CCDC158: variants seen among roughly 807,000 people sequenced by gnomAD.
The protein encoded by CCDC158 is coiled-coil domain-containing protein 158.
A neutral mutation model predicts 138.6 loss-of-function variants in CCDC158; 116 were observed. The observed-to-expected ratio is 0.84, with a 90% CI of 0.72 to 0.98. The LOEUF is 0.98. Ranked by LOEUF, CCDC158 falls within the 50% of genes least tolerant of loss-of-function variation. CCDC158 has a pLI of 0.00. For missense variants in CCDC158, 1,265 were observed against 1,306.1 expected, an observed-to-expected ratio of 0.97 and a Z score of 0.48; for synonymous variants, 436 against 442.4, an observed-to-expected ratio of 0.99 and a Z score of 0.18.
intron 4 of CCDC158, among the ~76,000 whole-genome samples, chr4:76,388,992 G>T (rs986001944): frequency 1.3e-5 from 2 of 152,032 alleles, no homozygotes; most frequent in African/African-American, 4.8e-5. Context: ...GAGAAGAACA[G>T]GCACAAATAA....
chr4:76,357,880 A>G (rs1360139055), intron 13 of CCDC158, among the ~76,000 whole-genome samples: 1 of 152,076 alleles, frequency 6.6e-6, no homozygotes, highest in Non-Finnish European at 1.5e-5. Flanking sequence ...AATCTCCATG[A>G]CACTATAAGT....
Position 76,379,325 on chromosome 4 carries a change from C to T in CCDC158, c.994G>A (p.Glu332Lys), listed in dbSNP as rs1229718985. 6.2e-7 allele frequency: 1 copy of T among 1,609,092 alleles called. No homozygotes were observed. Among genetic ancestry groups the T allele is most frequent in the Admixed American group, 1.7e-5 (1 of 58,576 alleles). The change falls in exon 9 of 25, where the codon GAA (glutamate) becomes AAA (lysine). Residue 332 changes from glutamate (E) to lysine (K), a missense_variant. Physicochemically the swap from Glu to Lys is moderately conservative, Grantham distance 56. Coordinates refer to ENST00000682701, the MANE Select transcript of CCDC158 (RefSeq NM_001394954.1). ...LESTVSQLRS[E>K]LREAKRMYED... The stretch of plus-strand genomic sequence containing the variant: ...TACATCCTTTTGGCTTCCCTTAATT[C>T]AGAACGTAGCTGAGAAACAGTAGAT...
chr4:76,390,560 A>C (rs1727220844), intron 4 of CCDC158, among the ~76,000 whole-genome samples: 2 of 152,084 alleles, frequency 1.3e-5, no homozygotes, highest in African/African-American at 4.8e-5. Context: ...GAAGGAAAAA[A>C]AGAAGGAAGT....
chr4:76,352,190 G>A (rs1377821920), intron 16 of CCDC158: 1 of 160,074 alleles, frequency 6.2e-6, no homozygotes, highest in Non-Finnish European at 1.4e-5. Flanking sequence ...AGATCACGAG[G>A]TCAAGAGATG....
rs765971148 is a variant in CCDC158 at position 76,353,134 on chromosome 4, C to T, written c.2434G>A (p.Ala812Thr). The T allele has an allele frequency of 3.7e-6, 6 of 1,611,316 alleles. No individual in the cohort carries two copies. The highest frequency in any genetic ancestry group is 1.7e-4 in the Middle Eastern group (1 of 6,048). The change falls in exon 16 of 25, where the codon GCT (alanine) becomes ACT (threonine). Residue 812 changes from alanine to threonine, a missense_variant. By Grantham distance (58) the Ala-to-Thr change is moderately conservative. Transcript: ENST00000682701. ...TAGTTAATAATTACCTTATCCAGAGCCACTTCCATATTAGTAACCTTTTCT... is the reference window on the plus strand; with the variant it reads ...TAGTTAATAATTACCTTATCCAGAGTCACTTCCATATTAGTAACCTTTTCT... The part of the protein sequence containing the change: ...LKEKVTNMEV[A>T]LDKASLQFAE...
At chr4:76,355,528 A>G (rs977664592) in intron 14 of CCDC158, 92 bp from the exon 15 acceptor site, 23 of 839,680 alleles carry the variant, frequency 2.7e-5, no homozygotes, top group Non-Finnish European at 4.7e-5. Flanking sequence ...GAAGGTGACA[A>G]GTAAGATCCT....
intron 14 of CCDC158, among the ~76,000 whole-genome samples, chr4:76,356,018 T>G (rs1179227044): frequency 6.6e-6 from 1 of 152,088 alleles, no homozygotes; most frequent in Non-Finnish European, 1.5e-5. Flanking sequence ...CACTACCATC[T>G]CAGTAGCCAA....
intron 8 of CCDC158, among the ~76,000 whole-genome samples, chr4:76,381,200 G>T (rs1726207578): frequency 6.6e-6 from 1 of 152,198 alleles, no homozygotes; most frequent in South Asian, 2.1e-4. Context: ...TGAGAAGAGG[G>T]CCACTACCCT....
Position 76,384,285 on chromosome 4 carries a change from T to C in CCDC158, c.529A>G (p.Lys177Glu), listed in dbSNP as rs776841963. The C allele has an allele frequency of 5.6e-6, 9 of 1,614,064 alleles. No homozygotes were observed. Among genetic ancestry groups the C allele is most frequent in the Admixed American group, 5.0e-5 (3 of 60,006 alleles). Residue 177 changes from lysine (K) to glutamate (E), a missense_variant, in exon 6 of 25, where the codon AAA becomes GAA. By Grantham distance (56) the Lys-to-Glu change is moderately conservative. Coordinates refer to ENST00000682701, the MANE Select transcript of CCDC158 (RefSeq NM_001394954.1). ...DSNTQIEQLR[K>E]MMLSHEGVLQ... is the part of the protein sequence containing the mutation. Reference sequence around the variant, plus strand: ...ACTCCCTCATGACTAAGCATCATTTTTCGTAGTTGCTCTATCTGTGTGTTG... The same window carrying C: ...ACTCCCTCATGACTAAGCATCATTTCTCGTAGTTGCTCTATCTGTGTGTTG...
At chr4:76,383,454 T>C (rs1394056296) in intron 7 of CCDC158, among the ~76,000 whole-genome samples, 1 of 152,120 alleles carries the variant, frequency 6.6e-6, no homozygotes, top group Non-Finnish European at 1.5e-5. Flanking sequence ...CCTACAGCAA[T>C]ACTCCTATTG....
chr4:76,413,197 TA>T (rs1026355546), intron 1 of CCDC158, among the ~76,000 whole-genome samples: 1 of 151,512 alleles, frequency 6.6e-6, no homozygotes, highest in African/African-American at 2.4e-5. Flanking sequence ...TTTCCACATT[TA>T]AAAAAATGAA....
chr4:76,340,781 T>C (rs1014806022), intron 18 of CCDC158, among the ~76,000 whole-genome samples: 1 of 152,100 alleles, frequency 6.6e-6, no homozygotes, highest in Non-Finnish European at 1.5e-5. Flanking sequence ...GTAATAATAA[T>C]AGAAATAAAG....
chr4:76,383,324 T>C (rs1726454088), intron 7 of CCDC158, among the ~76,000 whole-genome samples: 1 of 152,134 alleles, frequency 6.6e-6, no homozygotes, highest in Admixed American at 6.5e-5. Context: ...AGAATCCCCC[T>C]ACTCTTGATG....
chr4:76,330,104 T>C (rs1358688065), intron 21 of CCDC158, among the ~76,000 whole-genome samples: 1 of 152,116 alleles, frequency 6.6e-6, no homozygotes, highest in Non-Finnish European at 1.5e-5. Context: ...CTGCAGAGCT[T>C]TAATTATCTC....
intron 20 of CCDC158, among the ~76,000 whole-genome samples, chr4:76,332,180 A>G (rs540752783): frequency 2.6e-5 from 4 of 152,238 alleles, no homozygotes; most frequent in Non-Finnish European, 4.4e-5. Context: ...GATATGGCAT[A>G]CCATAATAAT....
At position 76,351,784 on chromosome 4, in the gene CCDC158, T is replaced by G; in HGVS notation, c.2474A>C (p.Asp825Ala). The G allele has an allele frequency of 6.2e-7, 1 of 1,612,844 alleles. No individual in the cohort carries two copies. The highest frequency in any genetic ancestry group is 8.5e-7 in the Non-Finnish European group (1 of 1,178,978). ...KASLQFAECQDIIQRQEQESV... is the reference protein window; with the variant it reads ...KASLQFAECQAIIQRQEQESV... The stretch of plus-strand genomic sequence containing the variant: ...TTCTTGCTCCTGACGCTGTATTATA[T>G]CTTGACATTCTGCAAACTGCAAAGA... The change falls in exon 17 of 25, where the codon GAT becomes GCT. Residue 825 changes from aspartate (D) to alanine (A), a missense_variant. Physicochemically the swap from Asp to Ala is moderately radical, Grantham distance 126 (BLOSUM62 -2). Coordinates refer to ENST00000682701, the MANE Select transcript of CCDC158 (RefSeq NM_001394954.1).
intron 2 of CCDC158, among the ~76,000 whole-genome samples, chr4:76,411,808 T>C (rs1436358911): frequency 6.6e-6 from 1 of 151,550 alleles, no homozygotes; most frequent in Non-Finnish European, 1.5e-5. Flanking sequence ...AGTGGAAATG[T>C]TTCTTTAAAT....
chr4:76,331,795 A>G (rs1721033229), intron 20 of CCDC158, among the ~76,000 whole-genome samples: 1 of 152,196 alleles, frequency 6.6e-6, no homozygotes, highest in Non-Finnish European at 1.5e-5. Flanking sequence ...TCAATGTCAG[A>G]CTGAGGGACA....
chr4:76,320,858 G>A (rs541067316), intron 24 of CCDC158, among the ~76,000 whole-genome samples: 51 of 152,242 alleles, frequency 3.3e-4, no homozygotes, highest in Middle Eastern at 6.8e-3. Context: ...TTAGACAAGA[G>A]TTCATGACCA....
Sources: allele counts gnomAD v4.1 joint callset (sites outside exome capture counted in the v4.1 genomes callset), GRCh38; gene constraint gnomAD v4.1.1; transcripts MANE v1.5; gene names NCBI Gene and HGNC (gene_info 2026-07-23, HGNC 2026-07-21).